The following H2BC7 variants were observed in gnomAD, a reference collection of about 807,000 sequenced individuals.
The protein encoded by H2BC7 is H2B clustered histone 7, also known as histone H2B type 1-C/E/F/G/I.
H2BC7 carries 15 observed loss-of-function variants against 6.0 expected under a neutral mutation model. That is an observed-to-expected ratio of 2.48 (90% CI 1.66 to 3.82). The LOEUF is 3.82. H2BC7 is among the 30% of genes most tolerant of loss of function. H2BC7 has a pLI of 0.00. For synonymous variants in H2BC7, 148 were observed against 70.7 expected (o/e 2.09, Z -5.49); for missense variants, 227 against 169.4 (o/e 1.34, Z -1.89).
Position 26,199,591 on chromosome 6 carries a change from A to T in H2BC7, c.33A>T (p.Pro11=). ...AACCTGCTAAGTCCGCTCCTGCTCC[A>T]AAAAAGGGCTCCAAAAAGGCGGTGA... MPEPAKSAPA[P]KKGSKKAVTK... Residue 11 remains proline, a synonymous_variant, in exon 1 of 1, where the codon CCA becomes CCT. Coordinates refer to ENST00000356530, the MANE Select transcript of H2BC7 (RefSeq NM_003522.4). 1.2e-6 allele frequency: 2 copies of T among 1,613,996 alleles called. No individual in the cohort carries two copies. The highest frequency in any genetic ancestry group is 2.2e-5 in the South Asian group (2 of 91,086).
chr6:26,199,578 C>T lies in H2BC7; in HGVS notation c.20C>T (p.Ser7Phe), dbSNP rs754333865. The part of the protein sequence containing the change: MPEPAK[S>F]APAPKKGSKK... ...TTTATCATGCCTGAACCTGCTAAGT[C>T]CGCTCCTGCTCCAAAAAAGGGCTCC... is the stretch of plus-strand genomic sequence containing the variant. The change falls in exon 1 of 1, where the codon TCC becomes TTC. Residue 7 changes from serine to phenylalanine, a missense_variant. By Grantham distance (155) the Ser-to-Phe change is radical. Coordinates refer to ENST00000356530, the MANE Select transcript of H2BC7 (RefSeq NM_003522.4). 1.2e-6 allele frequency: 2 copies of T among 1,614,108 alleles called. No individual in the cohort carries two copies. The highest frequency in any genetic ancestry group is 1.7e-6 in the Non-Finnish European group (2 of 1,180,040).
In H2BC7 at chr6:26,199,885, G is replaced by T; in HGVS notation, c.327G>T (p.Lys109Asn). ...VRLLLPGELA[K>N]HAVSEGTKAV... is the part of the protein sequence containing the mutation. ...TGCTGCTGCCCGGGGAGCTGGCTAA[G>T]CACGCCGTGTCAGAGGGCACCAAGG... The change falls in exon 1 of 1, where the codon AAG becomes AAT. Residue 109 changes from lysine to asparagine, a missense_variant. Physicochemically the swap from Lys to Asn is moderately conservative, Grantham distance 94. Transcript: ENST00000356530. 3 of 1,614,232 alleles carry T rather than the reference G, an allele frequency of 1.9e-6. No individual in the cohort carries two copies. The highest frequency in any genetic ancestry group is 2.5e-6 in the Non-Finnish European group (3 of 1,180,040).
Position 26,199,670 on chromosome 6 carries a change from T to C in H2BC7, c.112T>C (p.Tyr38His), listed in dbSNP as rs1561982748. 6.2e-7 allele frequency: 1 copy of C among 1,614,252 alleles called. No individual in the cohort carries two copies. Among genetic ancestry groups the C allele is most frequent in the Admixed American group, 1.7e-5 (1 of 60,034 alleles). The change falls in exon 1 of 1, where the codon TAT (tyrosine) becomes CAT (histidine). Residue 38 changes from tyrosine to histidine, a missense_variant. By Grantham distance (83) the Tyr-to-His change is moderately conservative (BLOSUM62 2). Coordinates refer to ENST00000356530, the MANE Select transcript of H2BC7 (RefSeq NM_003522.4). ...GCGCAAGCGTAGCCGCAAGGAGAGC[T>C]ATTCCGTGTACGTGTACAAGGTGCT... ...KKRKRSRKES[Y>H]SVYVYKVLKQ...
Position 26,199,913 on chromosome 6 carries a change from G to A in H2BC7, c.355G>A (p.Val119Ile), listed in dbSNP as rs761328621. 4 of 1,614,236 alleles carry A rather than the reference G, an allele frequency of 2.5e-6. No individual in the cohort carries two copies. The highest frequency in any genetic ancestry group is 3.3e-5 in the Admixed American group (2 of 60,030). Residue 119 changes from valine (V) to isoleucine (I), a missense_variant, in exon 1 of 1, where the codon GTC becomes ATC. By Grantham distance (29) the Val-to-Ile change is conservative. Transcript: ENST00000356530. Reference protein sequence around the residue: ...KHAVSEGTKAVTKYTSSK With the variant: ...KHAVSEGTKAITKYTSSK ...CGCCGTGTCAGAGGGCACCAAGGCC[G>A]TCACCAAGTACACCAGCTCTAAGTA...
At position 26,199,752 on chromosome 6, in the gene H2BC7, C is replaced by T. The variant is rs749312741; in HGVS notation, c.194C>T (p.Ser65Phe). 10 of 1,614,248 alleles carry T rather than the reference C, an allele frequency of 6.2e-6. No homozygotes were observed. The highest frequency in any genetic ancestry group is 2.2e-5 in the South Asian group (2 of 91,088). Residue 65 changes from serine (S) to phenylalanine (F), a missense_variant, in exon 1 of 1, where the codon TCC becomes TTC. By Grantham distance (155) the Ser-to-Phe change is radical. Transcript: ENST00000356530. ...ISSKAMGIMN[S>F]FVNDIFERIA... is the part of the protein sequence containing the mutation. ...TCCAAGGCCATGGGCATCATGAACT[C>T]CTTCGTCAACGATATCTTCGAGCGC... is the stretch of plus-strand genomic sequence containing the variant.
Position 26,199,525 on chromosome 6 carries a change from T to G in H2BC7, c.-34T>G. On this transcript the variant is annotated 5_prime_UTR_variant, in exon 1 of 1. Coordinates refer to ENST00000356530, the MANE Select transcript of H2BC7 (RefSeq NM_003522.4). ...GCTGCAGAGTGAGGACACTTGCATTTCTCTTTAGGTTGTGGACGAAGTGTT... is the reference window on the plus strand; with the variant it reads ...GCTGCAGAGTGAGGACACTTGCATTGCTCTTTAGGTTGTGGACGAAGTGTT... The G allele has an allele frequency of 6.3e-7, 1 of 1,598,178 alleles. No individual in the cohort carries two copies. Among genetic ancestry groups the G allele is most frequent in the Non-Finnish European group, 8.5e-7 (1 of 1,174,362 alleles).
In H2BC7 at chr6:26,199,900, G is replaced by C. The variant is rs777021188; in HGVS notation, c.342G>C (p.Glu114Asp). ...PGELAKHAVS[E>D]GTKAVTKYTS... ...AGCTGGCTAAGCACGCCGTGTCAGA[G>C]GGCACCAAGGCCGTCACCAAGTACA... is the stretch of plus-strand genomic sequence containing the variant. The change falls in exon 1 of 1, where the codon GAG (glutamate) becomes GAC (aspartate). Residue 114 changes from glutamate to aspartate, a missense_variant. By Grantham distance (45) the Glu-to-Asp change is conservative. Coordinates refer to ENST00000356530, the MANE Select transcript of H2BC7 (RefSeq NM_003522.4). 5.6e-6 allele frequency: 9 copies of C among 1,614,234 alleles called. No homozygotes were observed. Among genetic ancestry groups the C allele is most frequent in the East Asian group, 2.2e-5 (1 of 44,888 alleles).
rs1164622291 is a variant in H2BC7, at chr6:26,199,807, T to C, written c.249T>C (p.His83=). The C allele has an allele frequency of 6.8e-6, 11 of 1,614,246 alleles. 1 individual carries two copies. Among genetic ancestry groups the C allele is most frequent in the African/African-American group, 5.3e-5 (4 of 75,068 alleles). Residue 83 remains histidine, a synonymous_variant, in exon 1 of 1, where the codon CAT becomes CAC. Coordinates refer to ENST00000356530, the MANE Select transcript of H2BC7 (RefSeq NM_003522.4). ...CTGGCGAGGCTTCCCGCCTGGCGCA[T>C]TACAACAAGCGCTCCACCATCACCT... ...RIAGEASRLA[H]YNKRSTITSR...
rs778306518 is a variant in H2BC7 at position 26,199,624 on chromosome 6, G to A, written c.66G>A (p.Ala22=). The A allele has an allele frequency of 1.9e-6, 3 of 1,614,116 alleles. No homozygotes were observed. Among genetic ancestry groups the A allele is most frequent in the African/African-American group, 1.3e-5 (1 of 74,944 alleles). The change falls in exon 1 of 1, where the codon GCG becomes GCA. Residue 22 remains alanine, a synonymous_variant. Transcript: ENST00000356530. The stretch of plus-strand genomic sequence containing the variant: ...GCTCCAAAAAGGCGGTGACCAAGGC[G>A]CAGAAGAAGGATGGTAAGAAGCGCA... ...KKGSKKAVTK[A]QKKDGKKRKR... is the part of the protein sequence containing the mutation.
At position 26,199,976 on chromosome 6, in the gene H2BC7, T is replaced by C; in HGVS notation, c.*37T>C. On this transcript the variant is annotated 3_prime_UTR_variant, in exon 1 of 1. Coordinates refer to ENST00000356530, the MANE Select transcript of H2BC7 (RefSeq NM_003522.4). ...TCATACCCAATCCCAAAGGCTCTTT[T>C]AAGAGCCACCCACTTTTTCAGCTAT... 2 of 1,605,198 alleles carry C rather than the reference T, an allele frequency of 1.2e-6. No homozygotes were observed. Among genetic ancestry groups the C allele is most frequent in the Non-Finnish European group, 1.7e-6 (2 of 1,176,618 alleles).
Position 26,199,728 on chromosome 6 carries a change from C to T in H2BC7, c.170C>T (p.Ser57Phe). ...KQVHPDTGIS[S>F]KAMGIMNSFV... ...GTCCACCCCGACACCGGCATCTCAT[C>T]CAAGGCCATGGGCATCATGAACTCC... Residue 57 changes from serine (S) to phenylalanine (F), a missense_variant, in exon 1 of 1, where the codon TCC becomes TTC. Transcript: ENST00000356530. 1 of 1,614,264 alleles carries T rather than the reference C, an allele frequency of 6.2e-7. No individual in the cohort carries two copies. Among genetic ancestry groups the T allele is most frequent in the Non-Finnish European group, 8.5e-7 (1 of 1,180,050 alleles).
rs751461168 is a variant in H2BC7 at position 26,199,783 on chromosome 6, T to A, written c.225T>A (p.Ala75=). 6.2e-7 allele frequency: 1 copy of A among 1,614,138 alleles called. No individual in the cohort carries two copies. Among genetic ancestry groups the A allele is most frequent in the Non-Finnish European group, 8.5e-7 (1 of 1,180,044 alleles). Residue 75 remains alanine, a synonymous_variant, in exon 1 of 1, where the codon GCT becomes GCA. Transcript: ENST00000356530. ...SFVNDIFERI[A]GEASRLAHYN... ...TCAACGATATCTTCGAGCGCATCGC[T>A]GGCGAGGCTTCCCGCCTGGCGCATT... is the stretch of plus-strand genomic sequence containing the variant.
Position 26,199,874 on chromosome 6 carries a change from G to T in H2BC7, c.316G>T (p.Glu106Ter). ...GGCCGTACGCCTGCTGCTGCCCGGG[G>T]AGCTGGCTAAGCACGCCGTGTCAGA... ...QTAVRLLLPG[E>*]LAKHAVSEGT... Residue 106 changes from glutamate (E) to a stop codon, truncating the protein, a stop_gained, in exon 1 of 1, where the codon GAG (glutamate) becomes TAG (stop). Transcript: ENST00000356530. LOFTEE classifies it high-confidence loss of function. 6.2e-7 allele frequency: 1 copy of T among 1,614,238 alleles called. No individual in the cohort carries two copies. The highest frequency in any genetic ancestry group is 1.1e-5 in the South Asian group (1 of 91,088).
At position 26,199,603 on chromosome 6, in the gene H2BC7, C is replaced by T. The variant is rs1765082945; in HGVS notation, c.45C>T (p.Ser15=). 8.1e-6 allele frequency: 13 copies of T among 1,614,032 alleles called. No individual in the cohort carries two copies. The highest frequency in any genetic ancestry group is 1.7e-5 in the Admixed American group (1 of 59,988). The change falls in exon 1 of 1, where the codon TCC becomes TCT. Residue 15 remains serine (S), a synonymous_variant. Coordinates refer to ENST00000356530, the MANE Select transcript of H2BC7 (RefSeq NM_003522.4). ...CCGCTCCTGCTCCAAAAAAGGGCTC[C>T]AAAAAGGCGGTGACCAAGGCGCAGA... ...AKSAPAPKKG[S]KKAVTKAQKK... is the part of the protein sequence containing the mutation.
chr6:26,199,647 G>C lies in H2BC7; in HGVS notation c.89G>C (p.Arg30Pro), dbSNP rs147694584. ...GCGCAGAAGAAGGATGGTAAGAAGC[G>C]CAAGCGTAGCCGCAAGGAGAGCTAT... ...TKAQKKDGKK[R>P]KRSRKESYSV... The change falls in exon 1 of 1, where the codon CGC (arginine) becomes CCC (proline). Residue 30 changes from arginine (R) to proline (P), a missense_variant. Coordinates refer to ENST00000356530, the MANE Select transcript of H2BC7 (RefSeq NM_003522.4). 8.1e-6 allele frequency: 13 copies of C among 1,614,130 alleles called. No homozygotes were observed. The highest frequency in any genetic ancestry group is 1.7e-5 in the Admixed American group (1 of 60,012).
rs1481024323 is a variant in H2BC7 at position 26,199,797 on chromosome 6, G to T, written c.239G>T (p.Arg80Leu). 8 of 1,614,104 alleles carry T rather than the reference G, an allele frequency of 5.0e-6. No homozygotes were observed. The Admixed American group carries it at 5.0e-5, about 10-fold the overall frequency. The change falls in exon 1 of 1, where the codon CGC (arginine) becomes CTC (leucine). Residue 80 changes from arginine (R) to leucine (L), a missense_variant. Coordinates refer to ENST00000356530, the MANE Select transcript of H2BC7 (RefSeq NM_003522.4). ...IFERIAGEAS[R>L]LAHYNKRSTI... ...GAGCGCATCGCTGGCGAGGCTTCCC[G>T]CCTGGCGCATTACAACAAGCGCTCC...
chr6:26,199,627 G>C lies in H2BC7; in HGVS notation c.69G>C (p.Gln23His). The change falls in exon 1 of 1, where the codon CAG (glutamine) becomes CAC (histidine). Residue 23 changes from glutamine (Q) to histidine (H), a missense_variant. Transcript: ENST00000356530. ...KGSKKAVTKA[Q>H]KKDGKKRKRS... ...CCAAAAAGGCGGTGACCAAGGCGCA[G>C]AAGAAGGATGGTAAGAAGCGCAAGC... is the stretch of plus-strand genomic sequence containing the variant. The C allele has an allele frequency of 6.2e-7, 1 of 1,614,174 alleles. No individual in the cohort carries two copies. The highest frequency in any genetic ancestry group is 8.5e-7 in the Non-Finnish European group (1 of 1,179,964).
Position 26,199,947 on chromosome 6 carries a change from G to A in H2BC7, c.*8G>A. 6.2e-7 allele frequency: 1 copy of A among 1,614,024 alleles called. No homozygotes were observed. Among genetic ancestry groups the A allele is most frequent in the Non-Finnish European group, 8.5e-7 (1 of 1,179,986 alleles). On this transcript the variant is annotated 3_prime_UTR_variant, in exon 1 of 1. Coordinates refer to ENST00000356530, the MANE Select transcript of H2BC7 (RefSeq NM_003522.4). ...TACACCAGCTCTAAGTAATTCTAAC[G>A]TCTTCATACCCAATCCCAAAGGCTC...
Position 26,199,680 on chromosome 6 carries a change from A to T in H2BC7, c.122A>T (p.Tyr41Phe). ...KRSRKESYSVYVYKVLKQVHP... is the reference protein window; with the variant it reads ...KRSRKESYSVFVYKVLKQVHP... ...AGCCGCAAGGAGAGCTATTCCGTGT[A>T]CGTGTACAAGGTGCTAAAGCAGGTC... Residue 41 changes from tyrosine (Y) to phenylalanine (F), a missense_variant, in exon 1 of 1, where the codon TAC becomes TTC. By Grantham distance (22) the Tyr-to-Phe change is conservative (BLOSUM62 3). Transcript: ENST00000356530. 1 of 1,614,272 alleles carries T rather than the reference A, an allele frequency of 6.2e-7. No homozygotes were observed. Among genetic ancestry groups the T allele is most frequent in the Non-Finnish European group, 8.5e-7 (1 of 1,180,054 alleles).
Sources: gnomAD v4.1 joint callset for allele counts on GRCh38, gnomAD v4.1.1 for gene constraint, MANE v1.5 for transcripts, NCBI Gene and HGNC (gene_info 2026-07-23, HGNC 2026-07-21) for gene names.